CFHR2: variants seen among roughly 807,000 people sequenced by gnomAD.
CFHR2 encodes complement factor H related 2, also known as complement factor H-related protein 2.
In CFHR2, 22 loss-of-function variants were observed where a neutral mutation model predicts 21.7. The observed-to-expected ratio is 1.01, with a 90% confidence interval of 0.72 to 1.45. The LOEUF (loss-of-function observed/expected upper bound fraction) is 1.45, where lower values mean the gene tolerates loss of function less well. Among genes scored for constraint, CFHR2 ranks in the 40% most tolerant of loss-of-function variants. The pLI, the probability that CFHR2 is intolerant of heterozygous loss-of-function variation, is 0.00. For missense variants in CFHR2, 294 were observed against 293.3 expected (o/e 1.00, Z -0.02); for synonymous variants, 98 against 97.4 (o/e 1.01, Z -0.04).
At chr1:196,953,077 T>A (rs1222904084) in intron 3 of CFHR2, among the ~76,000 whole-genome samples, 3 of 152,170 alleles carry the variant, frequency 2.0e-5, no homozygotes, top group Non-Finnish European at 1.5e-5. Flanking sequence ...CTCCTAATGA[T>A]AGCTGCACAG....
chr1:196,947,369 C>A (rs1249001646), intron 1 of CFHR2, among the ~76,000 whole-genome samples: 1 of 151,978 alleles, frequency 6.6e-6, no homozygotes. Flanking sequence ...TGATGAAAAC[C>A]AAGTTATTCT....
chr1:196,951,102 T>C, intron 3 of CFHR2, 74 bp downstream of exon 3: 3 of 1,515,646 alleles, frequency 2.0e-6, no homozygotes, highest in Non-Finnish European at 2.7e-6. Context: ...TTTTACAGAT[T>C]AAATATAGGT....
rs1174696007 is a variant in CFHR2 at position 196,954,480 on chromosome 1, C to G, written c.431-3411C>G. On this transcript the variant is annotated intron_variant, in intron 3 of 4. Transcript: ENST00000367415. ...CATTCTGTGGTCTGGAGGAGAGTAG[C>G]CCCCTACTCATAGCTCCACTAGGCA... Among the ~76,000 whole-genome samples the G allele has an allele frequency of 2.0e-5, 3 of 152,174 alleles. No individual in the cohort carries two copies. The East Asian group carries it at 5.8e-4, about 29-fold the overall frequency.
At chr1:196,948,362 C>T (rs1411909504) in intron 1 of CFHR2, among the ~76,000 whole-genome samples, 5 of 151,968 alleles carry the variant, frequency 3.3e-5, no homozygotes, top group Non-Finnish European at 5.9e-5. Context: ...TGCAACATAC[C>T]CCTCCTGGGT....
rs200199352 is a variant in CFHR2, at chr1:196,950,857, T to G, written c.259T>G (p.Cys87Gly). The change falls in exon 3 of 5, where the codon TGT (cysteine) becomes GGT (glycine). Residue 87 changes from cysteine (C) to glycine (G), a missense_variant. Transcript: ENST00000367415. ...AATCTGTTTTTGGTCTTTAGGACTGTGTTTCTTTCCTTTTGTGGAAAATGG... is the reference window on the plus strand; with the variant it reads ...AATCTGTTTTTGGTCTTTAGGACTGGGTTTCTTTCCTTTTGTGGAAAATGG... The part of the protein sequence containing the change: ...WSPTPKCLRL[C>G]FFPFVENGHS... The G allele has an allele frequency of 1.1e-4, 177 of 1,613,294 alleles. 1 individual carries two copies. In the Admixed American group the frequency reaches 2.9e-3, roughly 27 times the overall value.
In CFHR2 at chr1:196,948,592, A is replaced by T. The variant is rs186959844; in HGVS notation, c.59-863A>T. Among the ~76,000 whole-genome samples, 610 of 152,308 alleles carry T rather than the reference A, an allele frequency of 4.0e-3. 7 individuals are homozygous for T. The highest frequency in any genetic ancestry group is 0.013 in the African/African-American group (520 of 41,572). The stretch of plus-strand genomic sequence containing the variant: ...CACCCAACCCTCTCATACAATTTAA[A>T]GAATCTCTAGATTATTTATAATACC... On this transcript the variant is annotated intron_variant, in intron 1 of 4. Coordinates refer to ENST00000367415, the MANE Select transcript of CFHR2 (RefSeq NM_005666.4).
chr1:196,950,693 G>A (rs544776237), intron 2 of CFHR2, among the ~76,000 whole-genome samples, 159 bp from the exon 3 acceptor site: 9 of 152,162 alleles, frequency 5.9e-5, no homozygotes, highest in Non-Finnish European at 1.2e-4. Context: ...GGCTGGCCTC[G>A]AACTCATGGC....
At chr1:196,951,863 G>A (rs1268370823) in intron 3 of CFHR2, among the ~76,000 whole-genome samples, 2 of 152,114 alleles carry the variant, frequency 1.3e-5, no homozygotes, top group African/African-American at 2.4e-5. Flanking sequence ...GAAAAGGCCT[G>A]TCAGCAAACA....
intron 1 of CFHR2, among the ~76,000 whole-genome samples, chr1:196,947,396 G>T (rs1457186220): frequency 2.0e-5 from 3 of 152,142 alleles, no homozygotes; most frequent in African/African-American, 7.2e-5. Flanking sequence ...CAAAGAATAT[G>T]TAAGTACAAA....
chr1:196,950,529 A>C lies in CFHR2; in HGVS notation c.254-323A>C, dbSNP rs1359178945. On this transcript the variant is annotated intron_variant, in intron 2 of 4. Coordinates refer to ENST00000367415, the MANE Select transcript of CFHR2 (RefSeq NM_005666.4). Reference sequence around the variant, plus strand: ...CATTCTGTCACCCAGGCTGAAGTGCAGTGGTGCCATCTCGACTCACTGCTA... The same window carrying C: ...CATTCTGTCACCCAGGCTGAAGTGCCGTGGTGCCATCTCGACTCACTGCTA... Among the ~76,000 whole-genome samples, 3 of 152,158 alleles carry C rather than the reference A, an allele frequency of 2.0e-5. No homozygotes were observed. In the East Asian group the frequency reaches 5.8e-4, roughly 29 times the overall value.
At position 196,945,186 on chromosome 1, in the gene CFHR2, G is replaced by T. The variant is rs561982939; in HGVS notation, c.58+1248G>T. On this transcript the variant is annotated intron_variant, in intron 1 of 4. Coordinates refer to ENST00000367415, the MANE Select transcript of CFHR2 (RefSeq NM_005666.4). ...CCACCACGCCTAGCCCTTGAAATTCGTTTTATTTTGTTTTCACTTTTAGTG... is the reference window on the plus strand; with the variant it reads ...CCACCACGCCTAGCCCTTGAAATTCTTTTTATTTTGTTTTCACTTTTAGTG... Among the ~76,000 whole-genome samples the T allele has an allele frequency of 1.4e-3, 199 of 146,604 alleles. 8 individuals are homozygous for T. Among genetic ancestry groups the T allele is most frequent in the African/African-American group, 4.8e-3 (192 of 39,624 alleles).
At chr1:196,955,354 C>T (rs1265524941) in intron 3 of CFHR2, among the ~76,000 whole-genome samples, 1 of 152,158 alleles carries the variant, frequency 6.6e-6, no homozygotes, top group Non-Finnish European at 1.5e-5. Flanking sequence ...GAACAAGTCT[C>T]AAGGGGGTTC....
chr1:196,954,852 G>C (rs1558271291), intron 3 of CFHR2, among the ~76,000 whole-genome samples: 1 of 152,228 alleles, frequency 6.6e-6, no homozygotes, highest in Non-Finnish European at 1.5e-5. Context: ...AGGTCGTGAG[G>C]CTGCACACAG....
chr1:196,946,530 C>A (rs1338866615), intron 1 of CFHR2, among the ~76,000 whole-genome samples: 1 of 152,068 alleles, frequency 6.6e-6, no homozygotes, highest in Non-Finnish European at 1.5e-5. Flanking sequence ...AAGCTTTTAT[C>A]TTTTAAATAT....
chr1:196,954,847 G>A (rs994339977), intron 3 of CFHR2, among the ~76,000 whole-genome samples: 4 of 152,350 alleles, frequency 2.6e-5, no homozygotes, highest in Admixed American at 2.0e-4. Context: ...GTACCAGGTC[G>A]TGAGGCTGCA....
At chr1:196,952,537 G>A (rs1652652649) in intron 3 of CFHR2, among the ~76,000 whole-genome samples, 1 of 152,098 alleles carries the variant, frequency 6.6e-6, no homozygotes, top group Non-Finnish European at 1.5e-5. Flanking sequence ...TCTTCATTTC[G>A]TGGGATGATG....
At chr1:196,956,641 C>G (rs1004050735) in intron 3 of CFHR2, among the ~76,000 whole-genome samples, 2 of 152,148 alleles carry the variant, frequency 1.3e-5, no homozygotes, top group South Asian at 4.1e-4. Context: ...TGTTATTAAG[C>G]CTATCCAGAG....
chr1:196,958,480 A>G (rs2125015939), intron 4 of CFHR2, among the ~76,000 whole-genome samples: 1 of 152,040 alleles, frequency 6.6e-6, no homozygotes, highest in East Asian at 1.9e-4. Flanking sequence ...TTTCAAGTAA[A>G]TAATACCATA....
At chr1:196,953,156 C>A (rs1652700537) in intron 3 of CFHR2, among the ~76,000 whole-genome samples, 1 of 152,198 alleles carries the variant, frequency 6.6e-6, no homozygotes, top group Admixed American at 6.5e-5. Context: ...TAGTACAGTG[C>A]AATCTCTGGG....
Sources: gnomAD v4.1 joint callset for allele counts (sites outside exome capture counted in the v4.1 genomes callset) on GRCh38, gnomAD v4.1.1 for gene constraint, MANE v1.5 for transcripts, NCBI Gene and HGNC (gene_info 2026-07-23, HGNC 2026-07-21) for gene names.